The following USP42 variants were observed in gnomAD, a reference collection of about 807,000 sequenced individuals.
USP42 encodes ubiquitin carboxyl-terminal hydrolase 42.
USP42 carries 23 observed loss-of-function variants against 113.0 expected under a neutral mutation model. That is an observed-to-expected ratio of 0.20 (90% CI 0.15 to 0.29). The LOEUF (loss-of-function observed/expected upper bound fraction) is 0.29. Among genes scored for constraint, USP42 ranks in the 10% least tolerant of loss-of-function variants. The pLI is 1.00. For synonymous variants in USP42, 933 were observed against 699.0 expected (o/e 1.33, Z -5.28); for missense variants, 2,174 against 1,779.8 (o/e 1.22, Z -3.99).
Position 6,140,967 on chromosome 7 carries a change from A to G in USP42, c.778A>G (p.Ile260Val). ...VSDTFDPYLD[I>V]TLEIKAAQSV... ...AGATACTTTTGATCCATATCTTGATATAACATTGGAGATAAAGGTAAATTT... is the reference window on the plus strand; with the variant it reads ...AGATACTTTTGATCCATATCTTGATGTAACATTGGAGATAAAGGTAAATTT... The change falls in exon 7 of 18, where the codon ATA (isoleucine) becomes GTA (valine). Residue 260 changes from isoleucine to valine, a missense_variant. Ile to Val is a conservative substitution (Grantham distance 29). Coordinates refer to ENST00000306177, the MANE Select transcript of USP42 (RefSeq NM_032172.3). 6.5e-7 allele frequency: 1 copy of G among 1,536,594 alleles called. No homozygotes were observed. The highest frequency in any genetic ancestry group is 8.9e-7 in the Non-Finnish European group (1 of 1,129,530).
intron 4 of USP42, among the ~76,000 whole-genome samples, chr7:6,138,267 A>G (rs1163810428): frequency 6.6e-6 from 1 of 152,220 alleles, no homozygotes; most frequent in Non-Finnish European, 1.5e-5. Context: ...TAATTTAAAA[A>G]ATAATTTGGT....
the USP42 span, among the ~76,000 whole-genome samples, chr7:6,093,920 T>A: frequency 6.6e-6 from 1 of 151,262 alleles, no homozygotes; most frequent in African/African-American, 2.5e-5. Flanking sequence ...AGATGGAGTC[T>A]CACTCTGTCA....
At chr7:6,147,361 G>A (rs1189991146) in intron 11 of USP42, among the ~76,000 whole-genome samples, 1 of 152,220 alleles carries the variant, frequency 6.6e-6, no homozygotes, top group Admixed American at 6.5e-5. Flanking sequence ...TACTCAGGAG[G>A]CTGAGGCAGG....
upstream of USP42, among the ~76,000 whole-genome samples, chr7:6,103,313 C>A (rs1359669014): frequency 6.6e-6 from 1 of 150,704 alleles, no homozygotes; most frequent in Non-Finnish European, 1.5e-5. Context: ...GTTTAAAATT[C>A]CACACCTGAG....
At chr7:6,098,038 G>A in the USP42 span, among the ~76,000 whole-genome samples, 3 of 147,450 alleles carry the variant, frequency 2.0e-5, no homozygotes, top group African/African-American at 7.7e-5. Flanking sequence ...CTGAGTAGCT[G>A]GGATTACAGG....
At chr7:6,114,110 A>C (rs1251908703) in intron 2 of USP42, among the ~76,000 whole-genome samples, 1 of 152,162 alleles carries the variant, frequency 6.6e-6, no homozygotes, top group East Asian at 1.9e-4. Context: ...TAGTCTCCTC[A>C]CAAGTGTGTA....
At chr7:6,103,738 CAAA>C (rs398066574), upstream of USP42, among the ~76,000 whole-genome samples, 1 of 100,894 alleles carries the variant, frequency 9.9e-6, no homozygotes, top group Non-Finnish European at 1.8e-5. Flanking sequence ...CCCGTCTCTA[CAAA>C]AAAAAAAAAA....
In USP42 at chr7:6,139,747, G is replaced by A. The variant is rs1781342953; in HGVS notation, c.657-381G>A. 9.4e-6 allele frequency: 3 copies of A among 320,674 alleles called. No homozygotes were observed. The highest frequency in any genetic ancestry group is 1.8e-5 in the Non-Finnish European group (3 of 168,940). 19.9% of individuals were successfully genotyped at this position (320,674 alleles called of 1,614,324 possible). On this transcript the variant is annotated intron_variant, in intron 5 of 17. Transcript: ENST00000306177. This position sits in a 1 kb window ranked among gnomAD's most constrained non-coding sequence, Gnocchi z 4.5. ...GCACCGCCCTGTCTAGGACTTCATT[G>A]TCCGGGTGATGACATACTTGGGTCG...
intron 12 of USP42, among the ~76,000 whole-genome samples, chr7:6,148,454 C>G (rs919153540): frequency 3.3e-5 from 5 of 152,218 alleles, no homozygotes; most frequent in Admixed American, 6.5e-5. Context: ...CTCTGGACTT[C>G]CATTCTTCTC....
In USP42 at chr7:6,149,909, G is replaced by T; in HGVS notation, c.1713G>T (p.Thr571=). Residue 571 remains threonine, a synonymous_variant, in exon 13 of 18, where the codon ACG becomes ACT. Coordinates refer to ENST00000306177, the MANE Select transcript of USP42 (RefSeq NM_032172.3). ...TACAGTCTACCTCGAACGCATCTAC[G>T]ATGTCAGTTTCTAGTAAAGTAACAA... ...SAVQSTSNAS[T]MSVSSKVTKP... 1 of 1,613,952 alleles carries T rather than the reference G, an allele frequency of 6.2e-7. No individual in the cohort carries two copies. The highest frequency in any genetic ancestry group is 8.5e-7 in the Non-Finnish European group (1 of 1,179,900).
rs554941362 is a variant in USP42 at position 6,152,423 on chromosome 7, G to A, written c.2202-1333G>A. On this transcript the variant is annotated intron_variant, in intron 14 of 17. Transcript: ENST00000306177. The stretch of plus-strand genomic sequence containing the variant: ...ACACACCCGTAGTTTTTACCCGCAC[G>A]GTTGTTGGCACTCACCTGTGGGGGT... Among the ~76,000 whole-genome samples the A allele has an allele frequency of 3.9e-5, 6 of 152,322 alleles. No homozygotes were observed. The South Asian group carries it at 8.3e-4, about 21-fold the overall frequency.
At chr7:6,091,680 T>TACACACACACAC in the USP42 span, among the ~76,000 whole-genome samples, 9,930 of 135,946 alleles carry the variant, frequency 0.073, 511 homozygotes, top group Middle Eastern at 0.15. Context: ...TATGTTAGCA[T>TACACACACACAC]ACACACACAC....
intron 9 of USP42, among the ~76,000 whole-genome samples, chr7:6,144,916 C>G (rs926619686): frequency 2.6e-5 from 4 of 151,994 alleles, no homozygotes; most frequent in African/African-American, 9.6e-5. Flanking sequence ...TTAGTCTGTC[C>G]TTTGATGGGT....
the USP42 span, among the ~76,000 whole-genome samples, chr7:6,095,343 C>T: frequency 6.6e-6 from 1 of 151,120 alleles, no homozygotes; most frequent in Non-Finnish European, 1.5e-5. Context: ...GAGCAGACCC[C>T]TATTCCCCAG....
chr7:6,140,983 A>T lies in USP42; in HGVS notation c.794A>T (p.Lys265Met). ...TATCTTGATATAACATTGGAGATAA[A>T]GGTAAATTTCATAATTATGGGAGTA... The part of the protein sequence containing the change: ...DPYLDITLEI[K>M]AAQSVNKALE... Residue 265 changes from lysine to methionine, a missense_variant and splice_region_variant, in exon 7 of 18, where the codon AAG (lysine) becomes ATG (methionine). Physicochemically the swap from Lys to Met is moderately conservative, Grantham distance 95 (BLOSUM62 -1). Transcript: ENST00000306177. 6.7e-7 allele frequency: 1 copy of T among 1,490,322 alleles called. No individual in the cohort carries two copies. 92.3% of individuals were successfully genotyped at this position (1,490,322 alleles called of 1,614,324 possible).
chr7:6,104,655 C>G (rs983237380), upstream of USP42, among the ~76,000 whole-genome samples: 1 of 152,196 alleles, frequency 6.6e-6, no homozygotes, highest in Non-Finnish European at 1.5e-5. Context: ...GGAAGGAGCC[C>G]TTTCGCCGGC....
intron 15 of USP42, among the ~76,000 whole-genome samples, chr7:6,155,942 A>AGAC: frequency 6.6e-6 from 1 of 152,230 alleles, no homozygotes; most frequent in Middle Eastern, 3.4e-3. Context: ...ATTTTTGTAA[A>AGAC]GACAGGATCT....
At chr7:6,095,626 G>A in the USP42 span, among the ~76,000 whole-genome samples, 1 of 151,158 alleles carries the variant, frequency 6.6e-6, no homozygotes, top group East Asian at 1.9e-4. Context: ...CTGAGATTGC[G>A]CCACTGCACT....
chr7:6,142,859 G>T, intron 7 of USP42, 73 bp from the exon 8 acceptor site: 1 of 1,465,906 alleles, frequency 6.8e-7, no homozygotes, highest in South Asian at 1.2e-5. Context: ...ACTCCAGCCT[G>T]GGTGGCAGGG....
Sources: allele counts gnomAD v4.1 joint callset (sites outside exome capture counted in the v4.1 genomes callset), GRCh38; gene constraint gnomAD v4.1.1; non-coding constraint Gnocchi (gnomAD v3.1); transcripts MANE v1.5; gene names NCBI Gene and HGNC (gene_info 2026-07-23, HGNC 2026-07-21).